The following CASKIN1 variants were observed in gnomAD, a reference collection of about 807,000 sequenced individuals.
CASKIN1 encodes the protein caskin-1.
A neutral mutation model predicts 117.5 loss-of-function variants in CASKIN1; 42 were observed. The observed-to-expected ratio is 0.36, with a 90% CI of 0.28 to 0.46. CASKIN1 has a LOEUF of 0.46. Among genes scored for constraint, CASKIN1 ranks in the 20% least tolerant of loss-of-function variants. The pLI, the probability that CASKIN1 is intolerant of heterozygous loss-of-function variation, is 1.00. For synonymous variants in CASKIN1, 1,148 were observed against 961.7 expected (o/e 1.19, Z -3.59); for missense variants, 2,083 against 2,077.3 (o/e 1.00, Z -0.05).
chr16:2,192,986 G>A (rs1029318936), intron 1 of CASKIN1, among the ~76,000 whole-genome samples: 4 of 152,206 alleles, frequency 2.6e-5, no homozygotes, highest in South Asian at 2.1e-4. Flanking sequence ...CCATGCCTGC[G>A]GATGCTCTCC....
At chr16:2,190,984 G>A (rs1369873411) in intron 1 of CASKIN1, among the ~76,000 whole-genome samples, 1 of 152,194 alleles carries the variant, frequency 6.6e-6, no homozygotes, top group Admixed American at 6.5e-5. Flanking sequence ...GAGCACCTGA[G>A]GCCAGAGGGG....
In CASKIN1 at chr16:2,179,567, C is replaced by A; in HGVS notation, c.3775+26G>T. The A allele has an allele frequency of 1.4e-6, 2 of 1,429,158 alleles. No homozygotes were observed. The highest frequency in any genetic ancestry group is 1.8e-6 in the Non-Finnish European group (2 of 1,096,828). 88.5% of individuals were successfully genotyped at this position (1,429,158 alleles called of 1,614,324 possible). A position where few individuals can be genotyped will look rare whatever the true frequency, so the allele number is the denominator to read the frequency against. On this transcript the variant is annotated intron_variant, in intron 18 of 19. Coordinates refer to ENST00000343516, the MANE Select transcript of CASKIN1 (RefSeq NM_020764.4). This position sits in a 1 kb window ranked among gnomAD's most constrained non-coding sequence, Gnocchi z 5.8. ...GGAGGTGGAGCAGGGTCCTGTTGCC[C>A]CTTCACCCCACCCTGGCTGGCCTAC...
intron 6 of CASKIN1, 30 bp downstream of exon 6, chr16:2,188,997 G>C: frequency 1.3e-6 from 2 of 1,598,630 alleles, no homozygotes; most frequent in Non-Finnish European, 1.7e-6. Flanking sequence ...GGGACCCTAA[G>C]GCTGAGGCCC....
At position 2,194,658 on chromosome 16, in the gene CASKIN1, T is replaced by C. The variant is rs116033919; in HGVS notation, c.94+1681A>G. On this transcript the variant is annotated intron_variant, in intron 1 of 19. Coordinates refer to ENST00000343516, the MANE Select transcript of CASKIN1 (RefSeq NM_020764.4). ...CTAATTCATGGAGGGATTTCTCCTC[T>C]GATTTATTACACCCGCCCCTGTGAG... is the stretch of plus-strand genomic sequence containing the variant. Among the ~76,000 whole-genome samples the C allele has an allele frequency of 5.7e-3, 872 of 152,268 alleles. 7 individuals are homozygous for C. Among genetic ancestry groups the C allele is most frequent in the African/African-American group, 0.02 (825 of 41,536 alleles).
Position 2,179,734 on chromosome 16 carries a change from G to A in CASKIN1, c.3634C>T (p.Pro1212Ser), listed in dbSNP as rs749383593. 16 of 1,552,946 alleles carry A rather than the reference G, an allele frequency of 1.0e-5. No homozygotes were observed. The Admixed American group carries it at 3.1e-4, about 30-fold the overall frequency. The part of the protein sequence containing the change: ...PTDLAHLPPL[P>S]PPEGEARKPA... ...TTCCGGGCTTCGCCCTCGGGCGGGG[G>A]CAATGGGGGTAGGTGCGCCAGGTCG... is the stretch of plus-strand genomic sequence containing the variant. The change falls in exon 18 of 20, where the codon CCC becomes TCC. Residue 1212 changes from proline (P) to serine (S), a missense_variant. Around this residue, in one of 3 missense-constraint regions of CASKIN1, gnomAD observed 1,818 missense variants for 1,688.9 expected, o/e 1.08. Coordinates refer to ENST00000343516, the MANE Select transcript of CASKIN1 (RefSeq NM_020764.4). The surrounding 1 kb of genome is among the most constrained non-coding windows in gnomAD (Gnocchi z 5.8).
intron 1 of CASKIN1, among the ~76,000 whole-genome samples, chr16:2,193,827 G>A (rs1372944179): frequency 6.6e-6 from 1 of 152,214 alleles, no homozygotes; most frequent in African/African-American, 2.4e-5. Context: ...GAGGTCTTGG[G>A]ACACACTAAC....
At chr16:2,189,955 C>T in intron 3 of CASKIN1, 118 bp downstream of exon 3, 1 of 974,954 alleles carries the variant, frequency 1.0e-6, no homozygotes, top group Non-Finnish European at 1.5e-6. Context: ...GGAGGACCTG[C>T]CTGAAATCAG....
intron 1 of CASKIN1, among the ~76,000 whole-genome samples, chr16:2,190,825 G>A (rs559413732): frequency 7.2e-5 from 11 of 152,184 alleles, no homozygotes; most frequent in Non-Finnish European, 1.2e-4. Flanking sequence ...GGGTATCTCT[G>A]GGGGAGGATC....
At chr16:2,190,418 G>T in intron 1 of CASKIN1, 60 bp from the exon 2 acceptor site, 1 of 1,499,186 alleles carries the variant, frequency 6.7e-7, no homozygotes, top group Non-Finnish European at 9.1e-7. Context: ...GGCGGCCTGA[G>T]GGCAGGGAGA....
Position 2,177,853 on chromosome 16 carries a change from C to T in CASKIN1, c.*697G>A, listed in dbSNP as rs1007432704. The stretch of plus-strand genomic sequence containing the variant: ...TAGGAGAGAAGCACGGAGGAGCCCC[C>T]GGCAGAGCACCCGCCCCCGGGCCCC... On this transcript the variant is annotated 3_prime_UTR_variant, in exon 20 of 20. Transcript: ENST00000343516. 3 of 288,396 alleles carry T rather than the reference C, an allele frequency of 1.0e-5. No individual in the cohort carries two copies. The highest frequency in any genetic ancestry group is 9.8e-5 in the South Asian group (2 of 20,332). The allele number at this position is 288,396 out of a possible 1,614,324, so 17.9% of individuals were successfully genotyped here. A position where few individuals can be genotyped will look rare whatever the true frequency, so the allele number is the denominator to read the frequency against.
rs1270795677 is a variant in CASKIN1 at position 2,180,822 on chromosome 16, G to A, written c.2546C>T (p.Pro849Leu). 44 of 1,390,464 alleles carry A rather than the reference G, an allele frequency of 3.2e-5. No individual in the cohort carries two copies. Among genetic ancestry groups the A allele is most frequent in the Admixed American group, 7.1e-5 (2 of 28,024 alleles). 86.1% of individuals were successfully genotyped at this position (1,390,464 alleles called of 1,614,324 possible). The change falls in exon 18 of 20, where the codon CCG becomes CTG. Residue 849 changes from proline (P) to leucine (L), a missense_variant. This residue lies in a region of CASKIN1 where 1,818 missense variants were observed against 1,688.9 expected (regional missense o/e 1.08). Coordinates refer to ENST00000343516, the MANE Select transcript of CASKIN1 (RefSeq NM_020764.4). ...CGGCACGGGTGGGGGCGCAGGCCCC[G>A]GGGCAGCCGGCCCCACCTCGCCCTC... ...PVEGEVGPAAPGPAPPPVPTA... is the reference protein window; with the variant it reads ...PVEGEVGPAALGPAPPPVPTA...
At position 2,180,578 on chromosome 16, in the gene CASKIN1, G is replaced by T; in HGVS notation, c.2790C>A (p.Val930=). 1 of 1,568,996 alleles carries T rather than the reference G, an allele frequency of 6.4e-7. No homozygotes were observed. The highest frequency in any genetic ancestry group is 8.6e-7 in the Non-Finnish European group (1 of 1,164,346). Reference sequence around the variant, plus strand: ...GCACGGCAAAGGACTGGCTGCGGTTGACGTTCTTGTCGGCACCTGCGGGCG... The same window carrying T: ...GCACGGCAAAGGACTGGCTGCGGTTTACGTTCTTGTCGGCACCTGCGGGCG... The part of the protein sequence containing the change: ...VRAPAGADKN[V]NRSQSFAVRP... Residue 930 remains valine (V), a synonymous_variant, in exon 18 of 20, where the codon GTC becomes GTA. Transcript: ENST00000343516.
Position 2,190,306 on chromosome 16 carries a change from C to G in CASKIN1, c.146+1G>C. 1 of 1,576,362 alleles carries G rather than the reference C, an allele frequency of 6.3e-7. No individual in the cohort carries two copies. The highest frequency in any genetic ancestry group is 8.6e-7 in the Non-Finnish European group (1 of 1,160,260). ...CAGGCACCACCCGGCTCAGAACTCA[C>G]CCATCCGGGTCCTGGAAGTTGACAT... On this transcript the variant is annotated splice_donor_variant, in intron 2 of 19. Transcript: ENST00000343516. LOFTEE classifies it high-confidence loss of function.
chr16:2,178,417 C>T lies in CASKIN1; in HGVS notation c.*133G>A, dbSNP rs1290686799. The T allele has an allele frequency of 1.5e-5, 9 of 609,752 alleles. No individual in the cohort carries two copies. The highest frequency in any genetic ancestry group is 2.7e-5 in the South Asian group (1 of 37,530). The allele number at this position is 609,752 out of a possible 1,614,324, so 37.8% of individuals were successfully genotyped here. A position where few individuals can be genotyped will look rare whatever the true frequency, so the allele number is the denominator to read the frequency against. On this transcript the variant is annotated 3_prime_UTR_variant, in exon 20 of 20. Transcript: ENST00000343516. ...CCCCGGTGGGCGCCCCGGCCCGGGT[C>T]CAGGGGCCGGAGTTGTGCTTCTGCA...
At position 2,185,031 on chromosome 16, in the gene CASKIN1, A is replaced by G; in HGVS notation, c.1244T>C (p.Leu415Pro). The G allele has an allele frequency of 6.2e-7, 1 of 1,608,690 alleles. No homozygotes were observed. The highest frequency in any genetic ancestry group is 8.5e-7 in the Non-Finnish European group (1 of 1,176,506). ...GGACTTCTGGGAAAGCACCGTTGCC[A>G]GGAGCTGCAACCCAGAAACCCCGGC... is the stretch of plus-strand genomic sequence containing the variant. ...LHAGSEGVKL[L>P]ATVLSQKSVS... is the part of the protein sequence containing the mutation. Residue 415 changes from leucine (L) to proline (P), a missense_variant, in exon 13 of 20, where the codon CTG becomes CCG. By Grantham distance (98) the Leu-to-Pro change is moderately conservative. Coordinates refer to ENST00000343516, the MANE Select transcript of CASKIN1 (RefSeq NM_020764.4).
chr16:2,179,573 C>A lies in CASKIN1; in HGVS notation c.3775+20G>T. On this transcript the variant is annotated intron_variant, in intron 18 of 19. Coordinates refer to ENST00000343516, the MANE Select transcript of CASKIN1 (RefSeq NM_020764.4). This position sits in a 1 kb window ranked among gnomAD's most constrained non-coding sequence, Gnocchi z 5.8. Reference sequence around the variant, plus strand: ...GGAGCAGGGTCCTGTTGCCCCTTCACCCCACCCTGGCTGGCCTACCTGGGC... The same window carrying A: ...GGAGCAGGGTCCTGTTGCCCCTTCAACCCACCCTGGCTGGCCTACCTGGGC... 1 of 1,432,480 alleles carries A rather than the reference C, an allele frequency of 7.0e-7. No homozygotes were observed. The highest frequency in any genetic ancestry group is 9.1e-7 in the Non-Finnish European group (1 of 1,098,872). The allele number at this position is 1,432,480 out of a possible 1,614,324, so 88.7% of individuals were successfully genotyped here.
chr16:2,193,618 C>T (rs897632588), intron 1 of CASKIN1, among the ~76,000 whole-genome samples: 1 of 152,244 alleles, frequency 6.6e-6, no homozygotes, highest in African/African-American at 2.4e-5. Flanking sequence ...CACCCAGCCA[C>T]ACCTTCAGGG....
intron 1 of CASKIN1, among the ~76,000 whole-genome samples, chr16:2,190,856 C>A (rs1007606332): frequency 2.0e-5 from 3 of 152,204 alleles, no homozygotes; most frequent in Admixed American, 2.0e-4. Flanking sequence ...CCGTGCAGCA[C>A]CCCCACTGCC....
chr16:2,196,258 C>A lies in CASKIN1; in HGVS notation c.94+81G>T. 1.9e-6 allele frequency: 1 copy of A among 531,042 alleles called. No individual in the cohort carries two copies. Among genetic ancestry groups the A allele is most frequent in the Non-Finnish European group, 2.6e-6 (1 of 383,718 alleles). 32.9% of individuals were successfully genotyped at this position (531,042 alleles called of 1,614,324 possible). ...CGGGGACCCGACAACGTCCCCTCCC[C>A]GCCCGGCGCCGGGTGGGGGGCTCCG... On this transcript the variant is annotated intron_variant, in intron 1 of 19. Coordinates refer to ENST00000343516, the MANE Select transcript of CASKIN1 (RefSeq NM_020764.4). This position sits in a 1 kb window ranked among gnomAD's most constrained non-coding sequence, Gnocchi z 5.7.
Sources: gnomAD v4.1 joint callset for allele counts (sites outside exome capture counted in the v4.1 genomes callset) on GRCh38, gnomAD v4.1.1 for gene constraint, gnomAD v4.1.1 regional missense constraint, Gnocchi (gnomAD v3.1) non-coding constraint, MANE v1.5 for transcripts, NCBI Gene and HGNC (gene_info 2026-07-23, HGNC 2026-07-21) for gene names.